PLA2R1: variants seen among roughly 807,000 people sequenced by gnomAD.
PLA2R1 encodes secretory phospholipase A2 receptor.
In PLA2R1, 158 loss-of-function variants were observed where a neutral mutation model predicts 195.9. The ratio of observed to expected loss-of-function variants is 0.81; its 90% CI spans 0.71 to 0.92. The LOEUF is 0.92. Among genes scored for constraint, PLA2R1 ranks in the 40% least tolerant of loss-of-function variants. The pLI, the probability that PLA2R1 is intolerant of heterozygous loss-of-function variation, is 0.00. For synonymous variants in PLA2R1, 586 were observed against 598.2 expected (o/e 0.98, Z 0.30); for missense variants, 1,626 against 1,764.6 (o/e 0.92, Z 1.41).
chr2:159,949,772 C>A lies in PLA2R1; in HGVS notation c.3545G>T (p.Gly1182Val), dbSNP rs143045698. The A allele has an allele frequency of 6.2e-6, 10 of 1,613,250 alleles. No individual in the cohort carries two copies. In the African/African-American group the frequency reaches 1.3e-4, roughly 22 times the overall value. ...HWIGLFTTDN[G>V]LNFDWSDGTK... ...GCCATCAGACCAGTCAAAATTAAGA[C>A]CATTCTGTGGAGGAAAACTGAGCCA... The change falls in exon 25 of 30, where the codon GGT becomes GTT. Residue 1182 changes from glycine to valine, a missense_variant. Transcript: ENST00000283243.
At chr2:159,947,774 G>GAT (rs1332972997) in intron 25 of PLA2R1, among the ~76,000 whole-genome samples, 1 of 152,148 alleles carries the variant, frequency 6.6e-6, no homozygotes, top group East Asian at 1.9e-4. Flanking sequence ...AACATAACAA[G>GAT]ATATGTTAAG....
At chr2:159,930,019 T>TG (rs754143124), downstream of PLA2R1, among the ~76,000 whole-genome samples, 3 of 152,018 alleles carry the variant, frequency 2.0e-5, no homozygotes, top group Non-Finnish European at 4.4e-5. Context: ...CACTCATAAG[T>TG]GGGAGCTAAG....
chr2:159,964,385 AT>A (rs936063305), intron 20 of PLA2R1, among the ~76,000 whole-genome samples: 10 of 152,228 alleles, frequency 6.6e-5, no homozygotes, highest in African/African-American at 2.2e-4. Context: ...GGCAAATGTT[AT>A]GTTACATTAT....
intron 3 of PLA2R1, among the ~76,000 whole-genome samples, chr2:160,038,247 C>T (rs1694291752): frequency 6.6e-6 from 1 of 151,946 alleles, no homozygotes; most frequent in South Asian, 2.1e-4. Flanking sequence ...TCGCACAGGT[C>T]TAACTGCTAA....
intron 2 of PLA2R1, 25 bp downstream of exon 2, chr2:160,044,749 G>A (rs756125376): frequency 1.3e-6 from 2 of 1,586,482 alleles, no homozygotes; most frequent in Non-Finnish European, 8.6e-7. Flanking sequence ...ACCATTCCCT[G>A]AGTGCTTCTT....
intron 3 of PLA2R1, among the ~76,000 whole-genome samples, chr2:160,034,268 A>G (rs1694039553): frequency 6.6e-6 from 1 of 152,168 alleles, no homozygotes; most frequent in Admixed American, 6.5e-5. Context: ...CACACATTCC[A>G]GAGGTTTTAA....
At chr2:160,031,401 G>A (rs907829630) in intron 4 of PLA2R1, among the ~76,000 whole-genome samples, 3 of 151,954 alleles carry the variant, frequency 2.0e-5, no homozygotes, top group African/African-American at 7.3e-5. Flanking sequence ...ACGGGCAAAT[G>A]TTCATTAAAT....
rs561608807 is a variant in PLA2R1, at chr2:160,058,802, T to C, written c.109+3493A>G. Among the ~76,000 whole-genome samples, 14 of 152,250 alleles carry C rather than the reference T, an allele frequency of 9.2e-5. No individual in the cohort carries two copies. In the East Asian group the frequency reaches 1.3e-3, roughly 15 times the overall value. On this transcript the variant is annotated intron_variant, in intron 1 of 29. Coordinates refer to ENST00000283243, the MANE Select transcript of PLA2R1 (RefSeq NM_007366.5). ...CCCCCACCTTTTCTGCCCCAGGCACTGGTTTCACAGAAGACAAATTTTCCA... is the reference window on the plus strand; with the variant it reads ...CCCCCACCTTTTCTGCCCCAGGCACCGGTTTCACAGAAGACAAATTTTCCA...
At chr2:159,956,946 G>A (rs1411980129) in intron 20 of PLA2R1, among the ~76,000 whole-genome samples, 1 of 151,258 alleles carries the variant, frequency 6.6e-6, no homozygotes, top group Non-Finnish European at 1.5e-5. Flanking sequence ...CACTCTGATT[G>A]CAAAGTTTAC....
chr2:159,995,812 GT>G (rs1691172130), intron 11 of PLA2R1, among the ~76,000 whole-genome samples: 1 of 150,600 alleles, frequency 6.6e-6, no homozygotes, highest in South Asian at 2.1e-4. Flanking sequence ...AATACAGAGA[GT>G]TCCCCTCTAA....
At chr2:159,958,019 G>T (rs899471782) in intron 20 of PLA2R1, among the ~76,000 whole-genome samples, 1 of 152,124 alleles carries the variant, frequency 6.6e-6, no homozygotes, top group African/African-American at 2.4e-5. Flanking sequence ...ACCTACACTT[G>T]AAAAAGCATC....
intron 9 of PLA2R1, 100 bp downstream of exon 9, chr2:160,016,514 G>C (rs1692776614): frequency 1.1e-5 from 8 of 697,354 alleles, no homozygotes; most frequent in Non-Finnish European, 2.1e-5. Context: ...AGAGAGGAGA[G>C]AGAGAGAGGA....
chr2:160,047,665 T>C (rs552972828), intron 1 of PLA2R1, among the ~76,000 whole-genome samples: 1 of 152,220 alleles, frequency 6.6e-6, no homozygotes, highest in African/African-American at 2.4e-5. Context: ...CATCTGTTGA[T>C]TTTCTGCATT....
rs1397319772 is a variant in PLA2R1 at position 159,978,509 on chromosome 2, G to A, written c.2269-1093C>T. Among the ~76,000 whole-genome samples the A allele has an allele frequency of 2.6e-5, 4 of 152,104 alleles. No individual in the cohort carries two copies. The East Asian group carries it at 5.8e-4, about 22-fold the overall frequency. On this transcript the variant is annotated intron_variant, in intron 14 of 29. Coordinates refer to ENST00000283243, the MANE Select transcript of PLA2R1 (RefSeq NM_007366.5). ...TGAGAAGCTCGGCCACTGCTTCATG[G>A]CCTTATCTAATTTATTCTGACCCAG...
chr2:159,966,167 A>G (rs1303233223), intron 20 of PLA2R1, among the ~76,000 whole-genome samples: 1 of 152,232 alleles, frequency 6.6e-6, no homozygotes, highest in African/African-American at 2.4e-5. Flanking sequence ...GGATGACTGG[A>G]TAAACAAAAT....
In PLA2R1 at chr2:160,062,397, G is replaced by A; in HGVS notation, c.7C>T (p.Leu3=). ML[L]SPSLLLLLLL... ...AGCAGCAGCAGCAGCGACGGCGACA[G>A]CAGCATCGCTAACCACTGGGCTCTC... The change falls in exon 1 of 30, where the codon CTG becomes TTG. Residue 3 remains leucine (L), a synonymous_variant. Transcript: ENST00000283243. The A allele has an allele frequency of 6.5e-7, 1 of 1,540,698 alleles. No individual in the cohort carries two copies. The highest frequency in any genetic ancestry group is 8.7e-7 in the Non-Finnish European group (1 of 1,142,996).
intron 24 of PLA2R1, among the ~76,000 whole-genome samples, chr2:159,950,521 CAGG>C (rs1687666846): frequency 6.6e-6 from 1 of 152,168 alleles, no homozygotes; most frequent in Non-Finnish European, 1.5e-5. Context: ...TGTCTATTCA[CAGG>C]AGAATGGTTT....
At chr2:159,993,915 A>G (rs560655346) in intron 11 of PLA2R1, among the ~76,000 whole-genome samples, 35 of 152,246 alleles carry the variant, frequency 2.3e-4, no homozygotes, top group Admixed American at 7.9e-4. Context: ...GAAAGAACTA[A>G]GCATTTGTTC....
intron 9 of PLA2R1, 140 bp downstream of exon 9, chr2:160,016,474 G>GC: frequency 5.1e-6 from 3 of 592,312 alleles, no homozygotes; most frequent in South Asian, 3.9e-5. Context: ...GGAAAGAAGG[G>GC]GGGGGTGCGA....
Sources: gnomAD v4.1 joint callset for allele counts (sites outside exome capture counted in the v4.1 genomes callset) on GRCh38, gnomAD v4.1.1 for gene constraint, MANE v1.5 for transcripts, NCBI Gene and HGNC (gene_info 2026-07-23, HGNC 2026-07-21) for gene names.